Variants in ADD1 observed in about 807,000 individuals in gnomAD.
ADD1 encodes the protein alpha-adducin.
A neutral mutation model predicts 80.5 loss-of-function variants in ADD1; 24 were observed. The observed-to-expected ratio is 0.30, with a 90% CI of 0.22 to 0.42. The LOEUF is 0.42. ADD1 is among the 10% of genes least tolerant of loss of function. ADD1 has a pLI of 1.00. For synonymous variants in ADD1, 373 were observed against 393.8 expected, an observed-to-expected ratio of 0.95 and a Z score of 0.63; for missense variants, 948 against 1,019.0, an observed-to-expected ratio of 0.93 and a Z score of 0.95.
At chr4:2,855,008 C>T (rs986477439) in intron 1 of ADD1, 24 of 152,208 alleles carry the variant, frequency 1.6e-4, no homozygotes, top group African/African-American at 5.3e-4. Flanking sequence ...GTGGCTGCAT[C>T]ACTCCAATCT....
chr4:2,881,955 C>G lies in ADD1; in HGVS notation c.253C>G (p.Pro85Ala), dbSNP rs1424603008. Reference protein sequence around the residue: ...IQEQFKKGKNPTGLLALQQIA... With the variant: ...IQEQFKKGKNATGLLALQQIA... ...GGAGCAATTTAAGAAGGGGAAGAAC[C>G]CCACAGGCCTATTGGCATTACAGCA... The change falls in exon 3 of 16, where the codon CCC (proline) becomes GCC (alanine). Residue 85 changes from proline to alanine, a missense_variant. Coordinates refer to ENST00000683351, the MANE Select transcript of ADD1 (RefSeq NM_001354761.2). The G allele has an allele frequency of 2.5e-6, 4 of 1,611,920 alleles. No individual in the cohort carries two copies. Among genetic ancestry groups the G allele is most frequent in the Non-Finnish European group, 2.5e-6 (3 of 1,179,222 alleles).
At chr4:2,928,100 T>TC (rs1172779471) in intron 15 of ADD1, 71 bp from the exon 16 acceptor site, 1 of 1,354,596 alleles carries the variant, frequency 7.4e-7, no homozygotes, top group Non-Finnish European at 1.0e-6. Context: ...TGTGTGGGGC[T>TC]CCCCCATCTC....
At chr4:2,885,202 C>T (rs893858458) in intron 4 of ADD1, among the ~76,000 whole-genome samples, 1 of 152,158 alleles carries the variant, frequency 6.6e-6, no homozygotes, top group South Asian at 2.1e-4. Flanking sequence ...TCTTCACTCC[C>T]TATTTTGTCC....
chr4:2,858,062 C>G (rs1728329227), intron 1 of ADD1, among the ~76,000 whole-genome samples: 1 of 152,084 alleles, frequency 6.6e-6, no homozygotes, highest in East Asian at 1.9e-4. Flanking sequence ...AGCTTGCAGT[C>G]TGGCAGTTGG....
intron 10 of ADD1, 108 bp from the exon 11 acceptor site, chr4:2,907,635 C>A: frequency 1.1e-6 from 1 of 947,742 alleles, no homozygotes; most frequent in South Asian, 1.4e-5. Flanking sequence ...TCAGTCCTCT[C>A]TGTGATGTTC....
At chr4:2,864,968 T>G (rs1274907656) in intron 1 of ADD1, among the ~76,000 whole-genome samples, 1 of 152,182 alleles carries the variant, frequency 6.6e-6, no homozygotes, top group Non-Finnish European at 1.5e-5. Flanking sequence ...AATGTGTGTG[T>G]GTATATCTAT....
intron 1 of ADD1, among the ~76,000 whole-genome samples, chr4:2,861,814 C>T (rs1728859761): frequency 6.6e-6 from 1 of 152,154 alleles, no homozygotes; most frequent in African/African-American, 2.4e-5. Context: ...CAAGGATGGG[C>T]CTGGATCAGT....
At chr4:2,908,956 C>A in intron 12 of ADD1, 1 of 441,504 alleles carries the variant, frequency 2.3e-6, no homozygotes, top group Non-Finnish European at 4.1e-6. Context: ...TGTTCTGGTA[C>A]ATATTGCTGT....
intron 13 of ADD1, among the ~76,000 whole-genome samples, chr4:2,913,557 G>A (rs143360082): frequency 2.0e-5 from 3 of 152,252 alleles, no homozygotes; most frequent in Non-Finnish European, 2.9e-5. Context: ...CCAGGCTCCC[G>A]GGCAAAGGTT....
chr4:2,910,263 T>G (rs976317544), intron 13 of ADD1, among the ~76,000 whole-genome samples: 1 of 151,936 alleles, frequency 6.6e-6, no homozygotes. Flanking sequence ...ACTGTCTCTT[T>G]CACTTGTCAC....
At chr4:2,905,338 A>G (rs1444914937) in intron 10 of ADD1, 4 of 564,636 alleles carry the variant, frequency 7.1e-6, no homozygotes, top group South Asian at 2.4e-5. Flanking sequence ...TAGTTCCAGT[A>G]TATCTCCGTA....
At position 2,885,755 on chromosome 4, in the gene ADD1, G is replaced by A. The variant is rs368370236; in HGVS notation, c.510+1089G>A. On this transcript the variant is annotated intron_variant, in intron 4 of 15. Transcript: ENST00000683351. ...CTCCCGAGTAGCTGGGACTACAGGC[G>A]CCCGCCACCACGCCTGGCTAATTTT... 3.0e-4 allele frequency among the ~76,000 whole-genome samples: 45 copies of A among 151,892 alleles called. No individual in the cohort carries two copies. The East Asian group carries it at 3.3e-3, about 11-fold the overall frequency.
intron 5 of ADD1, 142 bp downstream of exon 5, chr4:2,894,235 C>A (rs1734778426): frequency 1.4e-6 from 1 of 710,162 alleles, no homozygotes; most frequent in Non-Finnish European, 2.4e-6. Flanking sequence ...AGAGAAAAAC[C>A]TTTGAGAGAA....
At chr4:2,853,431 A>G (rs781279469) in intron 1 of ADD1, among the ~76,000 whole-genome samples, 8 of 152,162 alleles carry the variant, frequency 5.3e-5, no homozygotes, top group East Asian at 1.9e-4. Flanking sequence ...TTAAGGCTAT[A>G]TAGCTCTCTA....
In ADD1 at chr4:2,898,538, G is replaced by T; in HGVS notation, c.984+7G>T. On this transcript the variant is annotated splice_region_variant and intron_variant, in intron 8 of 15. Coordinates refer to ENST00000683351, the MANE Select transcript of ADD1 (RefSeq NM_001354761.2). ...GGTTGCCTGTGAGATCCAGGTAGGG[G>T]ACAGCCATTCCAGTCACTCTGCAGT... 1 of 1,611,318 alleles carries T rather than the reference G, an allele frequency of 6.2e-7. No individual in the cohort carries two copies. The highest frequency in any genetic ancestry group is 8.5e-7 in the Non-Finnish European group (1 of 1,177,482).
At chr4:2,925,129 A>G (rs1414754154) in intron 14 of ADD1, among the ~76,000 whole-genome samples, 1 of 152,188 alleles carries the variant, frequency 6.6e-6, no homozygotes, top group Non-Finnish European at 1.5e-5. Flanking sequence ...TGCCACAGGT[A>G]AAATGCAGGC....
At chr4:2,872,102 TGATGACAACTTG>T (rs1379689548) in intron 1 of ADD1, among the ~76,000 whole-genome samples, 1 of 152,036 alleles carries the variant, frequency 6.6e-6, no homozygotes, top group Non-Finnish European at 1.5e-5. Flanking sequence ...AGGAAGTGAG[TGATGACAACTTG>T]GATTTGAGTG....
chr4:2,844,569 CT>C (rs986944404), intron 1 of ADD1: 3 of 152,210 alleles, frequency 2.0e-5, no homozygotes, highest in African/African-American at 7.2e-5. Flanking sequence ...CCTCTCTTTT[CT>C]TTTTTCTTAA....
chr4:2,881,855 C>G, intron 2 of ADD1, 43 bp from the exon 3 acceptor site: 1 of 1,539,802 alleles, frequency 6.5e-7, no homozygotes, highest in Non-Finnish European at 8.7e-7. Context: ...GCCCAAGGAA[C>G]AGAAAATAAA....
Sources: gnomAD v4.1 joint callset for allele counts (sites outside exome capture counted in the v4.1 genomes callset) on GRCh38, gnomAD v4.1.1 for gene constraint, MANE v1.5 for transcripts, NCBI Gene and HGNC (gene_info 2026-07-23, HGNC 2026-07-21) for gene names.